Variants in BMP7 observed in about 807,000 individuals in gnomAD.
BMP7 encodes bone morphogenetic protein 7, also known as osteogenic protein 1.
In BMP7, 12 loss-of-function variants were observed where a neutral mutation model predicts 41.2. The ratio of observed to expected loss-of-function variants is 0.29; its 90% CI spans 0.19 to 0.47. BMP7 has a LOEUF of 0.47. BMP7 is among the 20% of genes least tolerant of loss of function. The pLI is 0.99. For synonymous variants in BMP7, 248 were observed against 250.0 expected (o/e 0.99, Z 0.07); for missense variants, 467 against 606.0 (o/e 0.77, Z 2.41).
At chr20:57,195,864 TG>T (rs2123081791) in intron 3 of BMP7, among the ~76,000 whole-genome samples, 1 of 152,312 alleles carries the variant, frequency 6.6e-6, no homozygotes, top group Non-Finnish European at 1.5e-5. Flanking sequence ...CACATGCTCC[TG>T]ACCCCCAGCA....
intron 1 of BMP7, among the ~76,000 whole-genome samples, chr20:57,230,808 C>T (rs535566600): frequency 4.0e-5 from 6 of 151,860 alleles, no homozygotes; most frequent in African/African-American, 1.4e-4. Context: ...TCCCAAGTGG[C>T]TGGGACTACA....
At chr20:57,173,731 G>A (rs368910338) in intron 5 of BMP7, 12 of 261,102 alleles carry the variant, frequency 4.6e-5, no homozygotes, top group African/African-American at 1.8e-4. Context: ...GACAGAACGC[G>A]GCACAGGAAG....
At chr20:57,239,159 C>T (rs2066059646) in intron 1 of BMP7, among the ~76,000 whole-genome samples, 2 of 152,200 alleles carry the variant, frequency 1.3e-5, no homozygotes, top group South Asian at 2.1e-4. Flanking sequence ...CTATGAGCCT[C>T]TAAAACCAAA....
At chr20:57,234,699 T>G (rs1026316437) in intron 1 of BMP7, among the ~76,000 whole-genome samples, 2 of 152,212 alleles carry the variant, frequency 1.3e-5, no homozygotes, top group African/African-American at 4.8e-5. Flanking sequence ...GAAAACCGCT[T>G]TCTTCAGACT....
chr20:57,257,824 CAAA>C (rs139904463), intron 1 of BMP7, among the ~76,000 whole-genome samples: 56 of 103,236 alleles, frequency 5.4e-4, no homozygotes, highest in South Asian at 1.4e-3. Context: ...CACAAGCCAC[CAAA>C]AAAAAAAAAA....
chr20:57,247,576 C>T (rs551885120), intron 1 of BMP7, among the ~76,000 whole-genome samples: 41 of 152,300 alleles, frequency 2.7e-4, no homozygotes, highest in Non-Finnish European at 3.7e-4. Flanking sequence ...TAGTCTCCCA[C>T]GGGAATAAGC....
chr20:57,194,339 C>A (rs1022157649), intron 3 of BMP7, among the ~76,000 whole-genome samples: 29 of 152,184 alleles, frequency 1.9e-4, no homozygotes, highest in Non-Finnish European at 8.8e-5. Context: ...CAGCCCACTG[C>A]CTGTTCTTGC....
At chr20:57,211,547 G>A (rs1600625526) in intron 2 of BMP7, among the ~76,000 whole-genome samples, 2 of 152,262 alleles carry the variant, frequency 1.3e-5, no homozygotes, top group African/African-American at 4.8e-5. Context: ...CCCAGAAGCT[G>A]TGGGTATGCC....
chr20:57,243,578 T>C (rs162321), intron 1 of BMP7, among the ~76,000 whole-genome samples: 24,289 of 152,130 alleles, frequency 0.16, 2,160 homozygotes, highest in Admixed American at 0.23. Flanking sequence ...ATGGGGGCTG[T>C]TGAACAGGTA....
intron 1 of BMP7, among the ~76,000 whole-genome samples, chr20:57,253,402 C>T (rs1053570432): frequency 3.9e-5 from 6 of 152,202 alleles, no homozygotes; most frequent in Non-Finnish European, 8.8e-5. Flanking sequence ...TCTTTTAGAT[C>T]TCCTCCCACC....
chr20:57,238,549 C>T (rs62205689), intron 1 of BMP7, among the ~76,000 whole-genome samples: 50,254 of 152,062 alleles, frequency 0.33, 9,677 homozygotes, highest in Non-Finnish European at 0.43. Flanking sequence ...ATAGTGGCTA[C>T]AGCATTTTAC....
intron 2 of BMP7, among the ~76,000 whole-genome samples, chr20:57,211,732 C>T (rs1219773778): frequency 6.6e-6 from 1 of 152,104 alleles, no homozygotes; most frequent in Non-Finnish European, 1.5e-5. Flanking sequence ...GGTGTGACTG[C>T]GGCTGGGAAC....
At chr20:57,230,650 C>T (rs1351822440) in intron 1 of BMP7, among the ~76,000 whole-genome samples, 1 of 148,982 alleles carries the variant, frequency 6.7e-6, no homozygotes, top group African/African-American at 2.5e-5. Context: ...AAGAGCTCAA[C>T]AAGGGCCGTT....
chr20:57,186,140 A>C (rs912827891), intron 3 of BMP7, among the ~76,000 whole-genome samples: 2 of 152,148 alleles, frequency 1.3e-5, no homozygotes, highest in Non-Finnish European at 2.9e-5. Context: ...AAGCCAGAAG[A>C]CTGGATGAGC....
rs895772857 is a variant in BMP7 at position 57,175,062 on chromosome 20, A to G, written c.959-55T>C. 5.2e-6 allele frequency: 8 copies of G among 1,542,146 alleles called. No individual in the cohort carries two copies. In the East Asian group the frequency reaches 1.4e-4, roughly 27 times the overall value. ...GCCCAGTGAGGAGAAAGAAACACACACACATCAAAGTTCCCTCCATCTTAG... is the reference window on the plus strand; with the variant it reads ...GCCCAGTGAGGAGAAAGAAACACACGCACATCAAAGTTCCCTCCATCTTAG... On this transcript the variant is annotated intron_variant, in intron 4 of 6. Coordinates refer to ENST00000395863, the MANE Select transcript of BMP7 (RefSeq NM_001719.3).
chr20:57,204,866 C>A (rs77149989), intron 2 of BMP7, among the ~76,000 whole-genome samples: 2 of 152,188 alleles, frequency 1.3e-5, no homozygotes, highest in Non-Finnish European at 2.9e-5. Flanking sequence ...TTTTGTCCTT[C>A]CCAAGACTCA....
At chr20:57,257,255 A>G (rs2066137478) in intron 1 of BMP7, among the ~76,000 whole-genome samples, 1 of 152,232 alleles carries the variant, frequency 6.6e-6, no homozygotes, top group Non-Finnish European at 1.5e-5. Context: ...ATGAAGGGTC[A>G]TCGAAATTTG....
chr20:57,189,990 T>C (rs6025434), intron 3 of BMP7, among the ~76,000 whole-genome samples: 137,017 of 152,230 alleles, frequency 0.9, 62,440 homozygotes, highest in South Asian at 0.99. Context: ...CCATGGGAGG[T>C]TTTGGGGAGG....
At position 57,266,637 on chromosome 20, in the gene BMP7, AG is replaced by A. The variant is rs1233501254; in HGVS notation, c.-516del. The A allele has an allele frequency of 6.6e-6, 1 of 152,284 alleles. No homozygotes were observed. Among genetic ancestry groups the A allele is most frequent in the Non-Finnish European group, 1.5e-5 (1 of 68,262 alleles). 9.4% of individuals were successfully genotyped at this position (152,284 alleles called of 1,614,324 possible). On this transcript the variant is annotated 5_prime_UTR_variant, in exon 1 of 7. Coordinates refer to ENST00000395863, the MANE Select transcript of BMP7 (RefSeq NM_001719.3). ...CACAAGAGGCCGCCTCGGGAGCGCC[AG>A]AGTGGTACGCGCTGGGGCCTGGGCG... is the stretch of plus-strand genomic sequence containing the variant.
Sources: gnomAD v4.1 joint callset for allele counts (sites outside exome capture counted in the v4.1 genomes callset) on GRCh38, gnomAD v4.1.1 for gene constraint, MANE v1.5 for transcripts, NCBI Gene and HGNC (gene_info 2026-07-23, HGNC 2026-07-21) for gene names.